The following MRTFB variants were observed in gnomAD, a reference collection of about 807,000 sequenced individuals.
The protein encoded by MRTFB is myocardin related transcription factor B.
In MRTFB, 29 loss-of-function variants were observed where a neutral mutation model predicts 104.2. That is an observed-to-expected ratio of 0.28 (90% CI 0.21 to 0.38). MRTFB has a LOEUF of 0.38. Among genes scored for constraint, MRTFB ranks in the 10% least tolerant of loss-of-function variants. The pLI is 1.00. For missense variants in MRTFB, 1,270 were observed against 1,341.6 expected (o/e 0.95, Z 0.83); for synonymous variants, 535 against 519.5 (o/e 1.03, Z -0.41).
In MRTFB at chr16:14,247,810, G is replaced by A. The variant is rs150826729; in HGVS notation, c.2247+303G>A. 85 of 311,774 alleles carry A rather than the reference G, an allele frequency of 2.7e-4. No individual in the cohort carries two copies. In the East Asian group the frequency reaches 5.0e-3, roughly 19 times the overall value. 19.3% of individuals were successfully genotyped at this position (311,774 alleles called of 1,614,324 possible). ...GTGATCATTGTGATCATAGTCTGCC[G>A]CTGAGCACTTTCTGGCAAGGCACAG... On this transcript the variant is annotated intron_variant, in intron 12 of 16. Coordinates refer to ENST00000571589, the MANE Select transcript of MRTFB (RefSeq NM_001308142.2).
the MRTFB span, among the ~76,000 whole-genome samples, chr16:14,050,831 TC>T: frequency 1.3e-4 from 20 of 152,216 alleles, no homozygotes; most frequent in African/African-American, 3.6e-4. Context: ...CTTGGAGGTC[TC>T]GATAATACTG....
chr16:14,072,753 G>C (rs1046343250), intron 1 of MRTFB, among the ~76,000 whole-genome samples: 1 of 152,148 alleles, frequency 6.6e-6, no homozygotes, highest in Non-Finnish European at 1.5e-5. Context: ...TGTTTCTTGC[G>C]AATTAAAGAG....
At chr16:14,078,935 A>G (rs982011143) in intron 1 of MRTFB, among the ~76,000 whole-genome samples, 3 of 152,156 alleles carry the variant, frequency 2.0e-5, no homozygotes, top group Non-Finnish European at 4.4e-5. Flanking sequence ...ATATGGGAAA[A>G]CAGGCACACA....
At chr16:14,128,939 T>C (rs1419269284) in intron 2 of MRTFB, among the ~76,000 whole-genome samples, 1 of 152,214 alleles carries the variant, frequency 6.6e-6, no homozygotes, top group Non-Finnish European at 1.5e-5. Flanking sequence ...CTCCTTGTTA[T>C]CAGCTCCACT....
chr16:14,233,531 TA>T (rs1264001656), intron 8 of MRTFB, among the ~76,000 whole-genome samples: 1 of 152,104 alleles, frequency 6.6e-6, no homozygotes, highest in Non-Finnish European at 1.5e-5. Context: ...CTCATGGGTG[TA>T]ATCTCAGCAC....
chr16:14,018,623 A>C, the MRTFB span, among the ~76,000 whole-genome samples: 173 of 152,144 alleles, frequency 1.1e-3, no homozygotes, highest in Non-Finnish European at 1.7e-3. Flanking sequence ...AACCAGGCCC[A>C]TTTGCACCTG....
intron 2 of MRTFB, among the ~76,000 whole-genome samples, chr16:14,102,155 TTA>T: frequency 6.6e-6 from 1 of 150,572 alleles, no homozygotes; most frequent in African/African-American, 2.5e-5. Context: ...CTGAGTCTTT[TTA>T]AAAAAAAAAA....
the MRTFB span, among the ~76,000 whole-genome samples, chr16:14,040,377 G>A: frequency 6.6e-6 from 1 of 152,128 alleles, no homozygotes; most frequent in Admixed American, 6.5e-5. Context: ...TTGATAGATG[G>A]GGCCAGTTGC....
chr16:14,005,096 T>C, the MRTFB span, among the ~76,000 whole-genome samples: 1 of 152,232 alleles, frequency 6.6e-6, no homozygotes, highest in Non-Finnish European at 1.5e-5. Flanking sequence ...TCCCATTCCT[T>C]GGCCCCTGGG....
At chr16:14,093,151 G>C (rs2035177625) in intron 2 of MRTFB, among the ~76,000 whole-genome samples, 1 of 151,780 alleles carries the variant, frequency 6.6e-6, no homozygotes, top group Non-Finnish European at 1.5e-5. Flanking sequence ...CAAACCATTG[G>C]TAGCTTGGAT....
intron 3 of MRTFB, among the ~76,000 whole-genome samples, chr16:14,198,719 A>G (rs951480658): frequency 3.3e-5 from 5 of 152,220 alleles, no homozygotes; most frequent in African/African-American, 9.6e-5. Flanking sequence ...CAAAAAGTTA[A>G]AAGCCATTAT....
Position 14,210,341 on chromosome 16 carries a change from G to T in MRTFB, c.220+33G>T, listed in dbSNP as rs374459858. 7 of 1,565,656 alleles carry T rather than the reference G, an allele frequency of 4.5e-6. No individual in the cohort carries two copies. The African/African-American group carries it at 8.1e-5, about 18-fold the overall frequency. On this transcript the variant is annotated intron_variant, in intron 4 of 16. Transcript: ENST00000571589. ...TTATACCATCACTGCCATCCCTAAC[G>T]TGACAGAACATGACGGGCGTGTCCA...
chr16:14,061,986 C>A, the MRTFB span, among the ~76,000 whole-genome samples: 1 of 152,172 alleles, frequency 6.6e-6, no homozygotes, highest in Non-Finnish European at 1.5e-5. Context: ...TTGGTCTGAC[C>A]ACATGCATTA....
At chr16:14,207,716 T>C (rs893693709) in intron 3 of MRTFB, among the ~76,000 whole-genome samples, 1 of 152,222 alleles carries the variant, frequency 6.6e-6, no homozygotes, top group African/African-American at 2.4e-5. Flanking sequence ...TACCATGCCC[T>C]ATGTGTCTCT....
chr16:14,075,195 A>G (rs866415279), intron 1 of MRTFB, among the ~76,000 whole-genome samples: 9 of 152,242 alleles, frequency 5.9e-5, no homozygotes, highest in African/African-American at 1.9e-4. Context: ...TCCGTGGTAT[A>G]CCTTAGCTGG....
At chr16:14,098,084 A>G (rs1280504636) in intron 2 of MRTFB, among the ~76,000 whole-genome samples, 1 of 152,222 alleles carries the variant, frequency 6.6e-6, no homozygotes. Context: ...AAGTCTTCGT[A>G]TGGACTCTGT....
chr16:14,261,498 A>C lies in MRTFB; in HGVS notation c.*54A>C. On this transcript the variant is annotated 3_prime_UTR_variant, in exon 17 of 17. Transcript: ENST00000571589. Reference sequence around the variant, plus strand: ...TGAGGTTTAAGAACATGAAGATTCTAAAAGGTCAGTTTTTAGAGATAGATC... The same window carrying C: ...TGAGGTTTAAGAACATGAAGATTCTCAAAGGTCAGTTTTTAGAGATAGATC... 6.7e-7 allele frequency: 1 copy of C among 1,497,202 alleles called. No individual in the cohort carries two copies. The highest frequency in any genetic ancestry group is 1.3e-5 in the South Asian group (1 of 74,840). The allele number at this position is 1,497,202 out of a possible 1,614,324, so 92.7% of individuals were successfully genotyped here. A position where few individuals can be genotyped will look rare whatever the true frequency, so the allele number is the denominator to read the frequency against.
chr16:14,023,437 C>A, the MRTFB span, among the ~76,000 whole-genome samples: 3 of 151,762 alleles, frequency 2.0e-5, no homozygotes, highest in East Asian at 5.8e-4. Context: ...AAAATAAGAT[C>A]CTGGCTCTGG....
the MRTFB span, among the ~76,000 whole-genome samples, chr16:14,019,810 C>T: frequency 6.8e-6 from 1 of 147,526 alleles, no homozygotes; most frequent in Admixed American, 7.2e-5. Context: ...GGTTCAAATT[C>T]CCTCAGCTAT....
Sources: gnomAD v4.1 joint callset for allele counts (sites outside exome capture counted in the v4.1 genomes callset) on GRCh38, gnomAD v4.1.1 for gene constraint, MANE v1.5 for transcripts, NCBI Gene and HGNC (gene_info 2026-07-23, HGNC 2026-07-21) for gene names.